Variants in EYS observed in about 807,000 individuals in gnomAD.
EYS encodes EGF-like photoreceptor maintenance factor.
EYS carries 250 observed loss-of-function variants against 282.1 expected under a neutral mutation model. The ratio of observed to expected loss-of-function variants is 0.89; its 90% CI spans 0.80 to 0.98. EYS has a LOEUF of 0.98. Among genes scored for constraint, EYS ranks in the 50% least tolerant of loss-of-function variants. The pLI is 0.00. For synonymous variants in EYS, 1,355 were observed against 1,282.9 expected (o/e 1.06, Z -1.20); for missense variants, 4,016 against 3,709.0 (o/e 1.08, Z -2.15).
At chr6:63,775,133 A>G (rs1182858529) in intron 40 of EYS, among the ~76,000 whole-genome samples, 2 of 152,206 alleles carry the variant, frequency 1.3e-5, no homozygotes, top group Non-Finnish European at 2.9e-5. Flanking sequence ...GAGAAATTCC[A>G]TTAGAACACA....
chr6:65,456,972 C>A (rs926743072), intron 5 of EYS, among the ~76,000 whole-genome samples: 2 of 151,798 alleles, frequency 1.3e-5, no homozygotes, highest in African/African-American at 2.4e-5. Context: ...ATCTCCTGAG[C>A]ACATGAGGGT....
chr6:64,336,008 C>A (rs188503567), intron 29 of EYS, among the ~76,000 whole-genome samples: 63 of 152,100 alleles, frequency 4.1e-4, no homozygotes, highest in African/African-American at 1.4e-3. Flanking sequence ...CCTGGAAACA[C>A]ATCAAAATAG....
intron 33 of EYS, among the ~76,000 whole-genome samples, chr6:64,045,212 A>ACT (rs1770562144): frequency 6.6e-6 from 1 of 151,982 alleles, no homozygotes; most frequent in Non-Finnish European, 1.5e-5. Flanking sequence ...GAAAACTCTG[A>ACT]CTAATTTTTA....
intron 8 of EYS, among the ~76,000 whole-genome samples, chr6:65,363,567 C>T (rs1443690250): frequency 1.3e-5 from 2 of 151,696 alleles, no homozygotes; most frequent in East Asian, 1.9e-4. Flanking sequence ...GATAACGTTG[C>T]CATCTCAGGA....
intron 31 of EYS, among the ~76,000 whole-genome samples, chr6:64,090,994 T>G (rs1381987175): frequency 1.3e-5 from 2 of 152,198 alleles, no homozygotes; most frequent in African/African-American, 2.4e-5. Flanking sequence ...TGGCAGCAAA[T>G]AGTAACCCTT....
intron 1 of EYS, among the ~76,000 whole-genome samples, chr6:65,672,286 A>G (rs1392680464): frequency 2.0e-5 from 3 of 152,146 alleles, no homozygotes; most frequent in Admixed American, 2.0e-4. Flanking sequence ...CCTGAGGCCA[A>G]TGAGGAGAAA....
At chr6:63,914,856 T>G (rs919627733) in intron 35 of EYS, among the ~76,000 whole-genome samples, 3 of 152,186 alleles carry the variant, frequency 2.0e-5, no homozygotes, top group Non-Finnish European at 4.4e-5. Context: ...TTTTTGATTG[T>G]ATGAAGCTTG....
chr6:64,316,023 C>T (rs972985172), intron 29 of EYS, among the ~76,000 whole-genome samples: 2 of 152,192 alleles, frequency 1.3e-5, no homozygotes, highest in African/African-American at 2.4e-5. Flanking sequence ...AACAACCCTT[C>T]ATGCTAAAAA....
intron 31 of EYS, among the ~76,000 whole-genome samples, chr6:64,155,688 G>A (rs933609666): frequency 1.3e-5 from 2 of 152,114 alleles, no homozygotes; most frequent in Non-Finnish European, 2.9e-5. Context: ...GTCAGGTTCT[G>A]GTTTGGGGTA....
intron 34 of EYS, among the ~76,000 whole-genome samples, chr6:63,991,689 A>G (rs958985929): frequency 1.3e-5 from 2 of 151,704 alleles, no homozygotes; most frequent in African/African-American, 2.4e-5. Context: ...AAGCTTATTC[A>G]TAGAAATAAT....
intron 36 of EYS, among the ~76,000 whole-genome samples, chr6:63,849,765 T>C (rs1772194020): frequency 2.0e-5 from 3 of 152,172 alleles, no homozygotes; most frequent in Admixed American, 2.0e-4. Context: ...AGAATGCCTC[T>C]TCTCCTCCAA....
chr6:63,788,819 C>T (rs143858264), intron 38 of EYS, among the ~76,000 whole-genome samples: 2 of 152,308 alleles, frequency 1.3e-5, no homozygotes, highest in African/African-American at 4.8e-5. Context: ...TCAAGCATCA[C>T]CTTCTCTGGG....
chr6:65,466,241 TATAAG>T (rs1318473643), intron 5 of EYS, among the ~76,000 whole-genome samples: 3 of 152,064 alleles, frequency 2.0e-5, no homozygotes, highest in Non-Finnish European at 4.4e-5. Context: ...AAGCAGTAAA[TATAAG>T]ATAATATTTT....
At chr6:65,541,367 A>G (rs1768161472) in intron 2 of EYS, among the ~76,000 whole-genome samples, 1 of 151,368 alleles carries the variant, frequency 6.6e-6, no homozygotes, top group Admixed American at 6.6e-5. Flanking sequence ...TTTTACGAAC[A>G]TTTGTTCATG....
rs1766408902 is a variant in EYS, at chr6:64,591,492, G to A, written c.4375C>T (p.Pro1459Ser). ...TCTTGAGCCCCCCTAGAGACAACTG[G>A]AGTTGCACTTATGGAGGCAGCTATA... is the stretch of plus-strand genomic sequence containing the variant. ...LLIAASISAT[P>S]VVSRGAQEDI... Residue 1459 changes from proline (P) to serine (S), a missense_variant, in exon 26 of 43, where the codon CCA becomes TCA. Coordinates refer to ENST00000503581, the MANE Select transcript of EYS (RefSeq NM_001142800.2). 1.3e-6 allele frequency: 2 copies of A among 1,551,298 alleles called. No homozygotes were observed. The highest frequency in any genetic ancestry group is 1.7e-6 in the Non-Finnish European group (2 of 1,146,774).
intron 26 of EYS, among the ~76,000 whole-genome samples, chr6:64,447,999 G>C (rs1775174932): frequency 6.6e-6 from 1 of 152,196 alleles, no homozygotes; most frequent in Non-Finnish European, 1.5e-5. Context: ...ATAAGTGCCG[G>C]ACAGTGGGTG....
intron 33 of EYS, among the ~76,000 whole-genome samples, chr6:64,010,540 G>A (rs964045176): frequency 9.2e-5 from 14 of 152,054 alleles, no homozygotes; most frequent in African/African-American, 3.4e-4. Flanking sequence ...CATAAAAATT[G>A]TCTTATCTAG....
chr6:65,602,450 T>G (rs1277276017), intron 2 of EYS, among the ~76,000 whole-genome samples: 1 of 151,968 alleles, frequency 6.6e-6, no homozygotes, highest in Non-Finnish European at 1.5e-5. Flanking sequence ...AATTAAATAA[T>G]GTATAATTCC....
At chr6:64,924,408 C>T (rs1468742382) in intron 15 of EYS, among the ~76,000 whole-genome samples, 11 of 152,186 alleles carry the variant, frequency 7.2e-5, no homozygotes, top group African/African-American at 2.7e-4. Flanking sequence ...GGAGGGGATG[C>T]TGTGAAGGTC....
Sources: gnomAD v4.1 joint callset for allele counts (sites outside exome capture counted in the v4.1 genomes callset) on GRCh38, gnomAD v4.1.1 for gene constraint, MANE v1.5 for transcripts, NCBI Gene and HGNC (gene_info 2026-07-23, HGNC 2026-07-21) for gene names.